RFPL2: variants seen among roughly 807,000 people sequenced by gnomAD.
The protein encoded by RFPL2 is ret finger protein like 2.
In RFPL2, 13 loss-of-function variants were observed where a neutral mutation model predicts 17.8. The ratio of observed to expected loss-of-function variants is 0.73; its 90% CI spans 0.47 to 1.16. RFPL2 has a LOEUF of 1.16. RFPL2 is among the 50% of genes most tolerant of loss of function. The pLI, the probability that RFPL2 is intolerant of heterozygous loss-of-function variation, is 0.00. For synonymous variants in RFPL2, 189 were observed against 180.9 expected (o/e 1.04, Z -0.36); for missense variants, 431 against 479.3 (o/e 0.90, Z 0.94).
chr22:32,202,530 G>T lies in RFPL2; in HGVS notation c.-79C>A. 6.5e-7 allele frequency: 1 copy of T among 1,539,186 alleles called. No homozygotes were observed. On this transcript the variant is annotated 5_prime_UTR_variant, in exon 2 of 5. Transcript: ENST00000652607. The stretch of plus-strand genomic sequence containing the variant: ...TCCTTCTCAGGGCACTGGGCATCCG[G>T]GCAGACAAAGCCAGAAAAGCCTAGA...
In RFPL2 at chr22:32,190,886, G is replaced by A. The variant is rs1278985959; in HGVS notation, c.1023C>T (p.Arg341=). 3.8e-6 allele frequency: 6 copies of A among 1,594,092 alleles called. No individual in the cohort carries two copies. The highest frequency in any genetic ancestry group is 1.1e-5 in the South Asian group (1 of 88,426). The change falls in exon 5 of 5, where the codon CGC becomes CGT. Residue 341 remains arginine, a synonymous_variant. Coordinates refer to ENST00000652607, the MANE Select transcript of RFPL2 (RefSeq NM_001394555.1). Reference sequence around the variant, plus strand: ...GTGGAACTGAAGGAGCCAAAAATGGGCGCAATGGCTCCTCAGCAGATACGC... The same window carrying A: ...GTGGAACTGAAGGAGCCAAAAATGGACGCAATGGCTCCTCAGCAGATACGC... ...FRSVSAEEPL[R]PFLAPSVPPN... is the part of the protein sequence containing the mutation.
chr22:32,199,152 C>T (rs1326590725), intron 2 of RFPL2, among the ~76,000 whole-genome samples: 1 of 152,060 alleles, frequency 6.6e-6, no homozygotes, highest in Admixed American at 6.5e-5. Flanking sequence ...CCGTGGGCTC[C>T]CAAGGAGAGA....
At chr22:32,200,692 C>T (rs1923824532) in intron 2 of RFPL2, among the ~76,000 whole-genome samples, 1 of 152,070 alleles carries the variant, frequency 6.6e-6, no homozygotes, top group African/African-American at 2.4e-5. Context: ...AGACTGTCTA[C>T]CCACCCACCA....
chr22:32,198,866 T>G (rs1047386986), intron 2 of RFPL2, among the ~76,000 whole-genome samples: 3 of 152,116 alleles, frequency 2.0e-5, no homozygotes, highest in Non-Finnish European at 4.4e-5. Context: ...AGGGCCAGGT[T>G]GCTTCCCTAA....
At chr22:32,197,049 T>C (rs369919726) in intron 2 of RFPL2, among the ~76,000 whole-genome samples, 28 of 152,368 alleles carry the variant, frequency 1.8e-4, no homozygotes, top group East Asian at 1.5e-3. Flanking sequence ...ACTGTCTAAA[T>C]AGTTTTGTGG....
intron 2 of RFPL2, 68 bp from the exon 3 acceptor site, chr22:32,194,558 A>G (rs1297574610): frequency 2.1e-6 from 3 of 1,452,780 alleles, no homozygotes; most frequent in African/African-American, 2.8e-5. Flanking sequence ...TTATAACTTC[A>G]GTAAATCCTT....
chr22:32,193,344 T>C lies in RFPL2; in HGVS notation c.266-152A>G, dbSNP rs1603202851. 3.2e-6 allele frequency: 5 copies of C among 1,567,628 alleles called. No homozygotes were observed. The African/African-American group carries it at 6.8e-5, about 21-fold the overall frequency. On this transcript the variant is annotated intron_variant, in intron 3 of 4. Transcript: ENST00000652607. ...CCATGAGTACAAACACTCAAGCACA[T>C]CCCCCCACCCCCCGTCTTCAGAGAT...
At chr22:32,203,681 C>G (rs1039554348) in intron 1 of RFPL2, among the ~76,000 whole-genome samples, 1 of 151,604 alleles carries the variant, frequency 6.6e-6, no homozygotes, top group South Asian at 2.1e-4. Flanking sequence ...CAGCCCCCAG[C>G]CATGGGGAGT....
Position 32,191,071 on chromosome 22 carries a change from T to C in RFPL2, c.838A>G (p.Ser280Gly). The stretch of plus-strand genomic sequence containing the variant: ...GAGAGGCGGCCTCCATCCCTCAAAC[T>C]CACAGTCCAGAATCCAAGCTCTGTG... ...LTTELGFWTV[S>G]LRDGGRLSAT... is the part of the protein sequence containing the mutation. The change falls in exon 5 of 5, where the codon AGT (serine) becomes GGT (glycine). Residue 280 changes from serine to glycine, a missense_variant. Coordinates refer to ENST00000652607, the MANE Select transcript of RFPL2 (RefSeq NM_001394555.1). The C allele has an allele frequency of 6.2e-7, 1 of 1,613,894 alleles. No homozygotes were observed. Among genetic ancestry groups the C allele is most frequent in the Non-Finnish European group, 8.5e-7 (1 of 1,179,850 alleles).
rs142885030 is a variant in RFPL2 at position 32,193,441 on chromosome 22, C to T, written c.266-249G>A. On this transcript the variant is annotated intron_variant, in intron 3 of 4. Coordinates refer to ENST00000652607, the MANE Select transcript of RFPL2 (RefSeq NM_001394555.1). The stretch of plus-strand genomic sequence containing the variant: ...TGAGGTGGAGGAAGCGTCCATTCTC[C>T]TGGTGACCCAGCAGCTGAGCCTGAG... The T allele has an allele frequency of 4.5e-4, 654 of 1,467,268 alleles. 7 individuals carry two copies. The East Asian group carries it at 0.015, about 35-fold the overall frequency. 90.9% of individuals were successfully genotyped at this position (1,467,268 alleles called of 1,614,324 possible). A position where few individuals can be genotyped will look rare whatever the true frequency, so the allele number is the denominator to read the frequency against.
chr22:32,204,369 C>G (rs182644313), intron 1 of RFPL2, among the ~76,000 whole-genome samples: 1 of 152,282 alleles, frequency 6.6e-6, no homozygotes, highest in East Asian at 1.9e-4. Flanking sequence ...CGGGAAATGA[C>G]GTCCGGTAAA....
At chr22:32,200,778 C>T (rs1229498625) in intron 2 of RFPL2, among the ~76,000 whole-genome samples, 1 of 152,114 alleles carries the variant, frequency 6.6e-6, no homozygotes, top group African/African-American at 2.4e-5. Context: ...GGAATGCCCT[C>T]TTTTCTCTCT....
chr22:32,202,188 C>A, intron 2 of RFPL2, 145 bp downstream of exon 2: 1 of 986,486 alleles, frequency 1.0e-6, no homozygotes, highest in Non-Finnish European at 1.5e-6. Context: ...CACTTTCTGT[C>A]TTCCTCTCCC....
rs532721595 is a variant in RFPL2, at chr22:32,192,183, G to A, written c.556+719C>T. Among the ~76,000 whole-genome samples the A allele has an allele frequency of 2.3e-4, 35 of 152,254 alleles. No individual in the cohort carries two copies. In the South Asian group the frequency reaches 7.1e-3, roughly 31 times the overall value. On this transcript the variant is annotated intron_variant, in intron 4 of 4. Transcript: ENST00000652607. ...GAAGAGTAGAGATCGTGGGTGTCAG[G>A]GCAGAAGCTACCAGTGTCGGGGACA...
At chr22:32,202,616 G>C (rs1286166861) in intron 1 of RFPL2, 66 bp from the exon 2 acceptor site, 2 of 1,424,922 alleles carry the variant, frequency 1.4e-6, no homozygotes, top group African/African-American at 2.9e-5. Context: ...GGGTGGCAGG[G>C]GCCGGTTTCA....
chr22:32,198,004 A>G (rs1384937062), intron 2 of RFPL2, among the ~76,000 whole-genome samples: 1 of 152,114 alleles, frequency 6.6e-6, no homozygotes, highest in Non-Finnish European at 1.5e-5. Flanking sequence ...ACCCATCCCA[A>G]ACTAAGACAA....
rs1477281241 is a variant in RFPL2 at position 32,190,968 on chromosome 22, A to G, written c.941T>C (p.Met314Thr). ...QRVGIFLDMG[M>T]QNVSFFDAES... The stretch of plus-strand genomic sequence containing the variant: ...AGCATCAAAAAAGGAAACGTTCTGC[A>G]TGCCCATATCCAGAAAAATCCCCAC... Residue 314 changes from methionine to threonine, a missense_variant, in exon 5 of 5, where the codon ATG (methionine) becomes ACG (threonine). Physicochemically the swap from Met to Thr is moderately conservative, Grantham distance 81. Transcript: ENST00000652607. 4.4e-6 allele frequency: 7 copies of G among 1,608,296 alleles called. No individual in the cohort carries two copies. In the East Asian group the frequency reaches 6.7e-5, roughly 15 times the overall value.
Position 32,193,143 on chromosome 22 carries a change from T to C in RFPL2, c.315A>G (p.Ser105=), listed in dbSNP as rs1922890891. The C allele has an allele frequency of 1.2e-6, 2 of 1,613,976 alleles. No individual in the cohort carries two copies. The highest frequency in any genetic ancestry group is 1.7e-6 in the Non-Finnish European group (2 of 1,179,868). ...GGGACATTGGTTTTTCCAGATAGTC[T>C]GAGCAGACGGGACAGCTGCTTGCTT... ...FQEASSCPVC[S]DYLEKPMSLE... The change falls in exon 4 of 5, where the codon TCA becomes TCG. Residue 105 remains serine (S), a synonymous_variant. Transcript: ENST00000652607.
intron 1 of RFPL2, among the ~76,000 whole-genome samples, chr22:32,204,093 C>CT (rs1396537925): frequency 2.1e-5 from 3 of 142,274 alleles, no homozygotes; most frequent in African/African-American, 8.9e-5. Flanking sequence ...GGCAGTGAAG[C>CT]CCCCCGATAG....
Sources: allele counts gnomAD v4.1 joint callset (sites outside exome capture counted in the v4.1 genomes callset), GRCh38; gene constraint gnomAD v4.1.1; transcripts MANE v1.5; gene names NCBI Gene and HGNC (gene_info 2026-07-23, HGNC 2026-07-21).